CTNNA2: variants seen among roughly 807,000 people sequenced by gnomAD.
CTNNA2 encodes catenin alpha-2.
Under a neutral mutation model 101.0 loss-of-function variants are expected in CTNNA2, and 42 were observed. The observed-to-expected ratio is 0.42, with a 90% CI of 0.32 to 0.54. The LOEUF (loss-of-function observed/expected upper bound fraction) is 0.54, where lower values mean the gene tolerates loss of function less well. CTNNA2 is among the 20% of genes least tolerant of loss of function. The pLI is 0.14. For synonymous variants in CTNNA2, 450 were observed against 456.4 expected (o/e 0.99, Z 0.18); for missense variants, 871 against 1,223.1 (o/e 0.71, Z 4.29).
At chr2:79,201,095 C>G (rs190009589) in intron 2 of CTNNA2, among the ~76,000 whole-genome samples, 139 of 152,170 alleles carry the variant, frequency 9.1e-4, no homozygotes, top group African/African-American at 3.1e-3. Context: ...TTTCCCCCCC[C>G]CTTTTTTTGT....
chr2:79,432,235 T>C (rs1162873063), intron 4 of CTNNA2, among the ~76,000 whole-genome samples: 1 of 152,160 alleles, frequency 6.6e-6, no homozygotes, highest in Non-Finnish European at 1.5e-5. Context: ...ACGATTATGA[T>C]AAACCACAAC....
intron 1 of CTNNA2, among the ~76,000 whole-genome samples, chr2:79,522,338 C>T (rs887531379): frequency 1.3e-5 from 2 of 152,134 alleles, no homozygotes; most frequent in Non-Finnish European, 1.5e-5. Flanking sequence ...TACAAGTTAT[C>T]GAAACCACTG....
intron 3 of CTNNA2, among the ~76,000 whole-genome samples, chr2:79,845,914 C>T (rs1282230006): frequency 6.6e-6 from 1 of 152,062 alleles, no homozygotes; most frequent in Non-Finnish European, 1.5e-5. Flanking sequence ...ACGTGGGGAC[C>T]TCCCACAGTT....
chr2:79,235,423 G>C (rs1674543300), intron 2 of CTNNA2, among the ~76,000 whole-genome samples: 1 of 152,094 alleles, frequency 6.6e-6, no homozygotes. Context: ...CTCTGTGGTG[G>C]GTGGGGAGAG....
chr2:79,286,737 AG>A (rs1286157306), intron 2 of CTNNA2, among the ~76,000 whole-genome samples: 25 of 151,880 alleles, frequency 1.6e-4, no homozygotes, highest in Admixed American at 5.9e-4. Flanking sequence ...TGTGTCTTGG[AG>A]TTGCTCTTCT....
chr2:80,112,430 A>G (rs188701510), intron 7 of CTNNA2, among the ~76,000 whole-genome samples: 5 of 152,312 alleles, frequency 3.3e-5, no homozygotes, highest in African/African-American at 9.6e-5. Flanking sequence ...GATTGCTGTG[A>G]TGGACTGTGA....
chr2:79,345,666 T>G (rs893532741), intron 3 of CTNNA2, among the ~76,000 whole-genome samples: 3 of 151,900 alleles, frequency 2.0e-5, no homozygotes, highest in East Asian at 3.9e-4. Flanking sequence ...ATTGTGGGGT[T>G]TTTTGTTTGT....
intron 2 of CTNNA2, among the ~76,000 whole-genome samples, chr2:79,238,219 G>A (rs1274074953): frequency 6.6e-6 from 1 of 152,128 alleles, no homozygotes; most frequent in South Asian, 2.1e-4. Flanking sequence ...GAATAGGGAG[G>A]CCAAAGGGGA....
At chr2:80,070,737 A>T (rs899748788) in intron 7 of CTNNA2, among the ~76,000 whole-genome samples, 1 of 149,234 alleles carries the variant, frequency 6.7e-6, no homozygotes, top group Non-Finnish European at 1.5e-5. Flanking sequence ...AAAAAGTCTG[A>T]AATCAGTTCC....
At chr2:80,485,650 AT>A (rs954818320) in intron 9 of CTNNA2, among the ~76,000 whole-genome samples, 1 of 152,200 alleles carries the variant, frequency 6.6e-6, no homozygotes, top group African/African-American at 2.4e-5. Context: ...TTTAATAAAT[AT>A]TTTTTATTAA....
chr2:80,227,694 G>A (rs1260324974), intron 7 of CTNNA2, among the ~76,000 whole-genome samples: 1 of 152,128 alleles, frequency 6.6e-6, no homozygotes, highest in African/African-American at 2.4e-5. Context: ...GTCCTGCTGT[G>A]GTTTTGCTTC....
chr2:80,286,547 G>T (rs1192043023), intron 7 of CTNNA2, among the ~76,000 whole-genome samples: 1 of 152,182 alleles, frequency 6.6e-6, no homozygotes, highest in African/African-American at 2.4e-5. Context: ...TGAGCATTTT[G>T]CTGGTGCGCT....
chr2:79,664,009 A>C (rs1385174148), intron 2 of CTNNA2, among the ~76,000 whole-genome samples: 4 of 152,338 alleles, frequency 2.6e-5, no homozygotes, highest in African/African-American at 9.6e-5. Context: ...ACAATCAACA[A>C]TTGTTTATTG....
At chr2:79,638,918 A>G (rs545659594) in intron 1 of CTNNA2, among the ~76,000 whole-genome samples, 2 of 151,790 alleles carry the variant, frequency 1.3e-5, no homozygotes, top group Non-Finnish European at 2.9e-5. Context: ...TGTCTCCTTG[A>G]CTCTCCATCC....
chr2:79,637,574 G>A (rs1680159748), intron 1 of CTNNA2, among the ~76,000 whole-genome samples: 2 of 152,232 alleles, frequency 1.3e-5, no homozygotes, highest in Admixed American at 6.5e-5. Context: ...TCTTCAGAGT[G>A]GTATCGAGAG....
intron 7 of CTNNA2, among the ~76,000 whole-genome samples, chr2:80,296,217 A>G (rs1444513084): frequency 6.6e-6 from 1 of 152,200 alleles, no homozygotes; most frequent in Non-Finnish European, 1.5e-5. Context: ...TTTAAAATAG[A>G]GGTTCATCAC....
chr2:79,754,716 TC>T (rs1672282280), intron 3 of CTNNA2, among the ~76,000 whole-genome samples: 2 of 152,148 alleles, frequency 1.3e-5, no homozygotes, highest in African/African-American at 4.8e-5. Context: ...ATATTGGGCT[TC>T]CTTTCTGTGC....
At chr2:80,074,981 T>G (rs78222359) in intron 7 of CTNNA2, among the ~76,000 whole-genome samples, 2,964 of 152,300 alleles carry the variant, frequency 0.019, 85 homozygotes, top group African/African-American at 0.068. Flanking sequence ...AAAACTACTG[T>G]GTACATGAAC....
In CTNNA2 at chr2:79,983,654, T is replaced by C. The variant is rs191877793; in HGVS notation, c.1056+73857T>C. ...GTCAAATGAACAGGTAGGAGGAGAG[T>C]GCTGTAACTGATAAGAACCTCGGAA... On this transcript the variant is annotated intron_variant, in intron 7 of 18. Transcript: ENST00000402739. 4.0e-3 allele frequency among the ~76,000 whole-genome samples: 602 copies of C among 151,986 alleles called. 1 individual carries two copies. The highest frequency in any genetic ancestry group is 0.013 in the African/African-American group (558 of 41,484).
Sources: allele counts gnomAD v4.1 joint callset (sites outside exome capture counted in the v4.1 genomes callset), GRCh38; gene constraint gnomAD v4.1.1; transcripts MANE v1.5; gene names NCBI Gene and HGNC (gene_info 2026-07-23, HGNC 2026-07-21).